Variants in SCN3A observed in about 807,000 individuals in gnomAD.
SCN3A encodes the protein sodium voltage-gated channel alpha subunit 3, also known as sodium channel protein type 3 subunit alpha.
Under a neutral mutation model 187.6 loss-of-function variants are expected in SCN3A, and 60 were observed. The observed-to-expected ratio is 0.32, with a 90% CI of 0.26 to 0.40. The LOEUF (loss-of-function observed/expected upper bound fraction) is 0.40, where lower values mean the gene tolerates loss of function less well. Among genes scored for constraint, SCN3A ranks in the 10% least tolerant of loss-of-function variants. The probability of loss-of-function intolerance (pLI) is 1.00; values close to 1 mark genes in which losing one functional copy is unlikely to be tolerated. For missense variants in SCN3A, 1,601 were observed against 2,428.2 expected, an observed-to-expected ratio of 0.66 and a Z score of 7.16; for synonymous variants, 788 against 829.2, an observed-to-expected ratio of 0.95 and a Z score of 0.85.
chr2:165,152,522 G>A (rs2390207), intron 11 of SCN3A, among the ~76,000 whole-genome samples: 111,092 of 152,104 alleles, frequency 0.73, 40,698 homozygotes, highest in East Asian at 0.84. Context: ...GAATAGTGCC[G>A]CAATAAACAT....
chr2:165,115,436 C>T lies in SCN3A; in HGVS notation c.3514+19G>A. ...AGAACAAGGGGAGATTGTATTTAAT[C>T]ACATCAGAGCTTGTTTACCTTCAGT... On this transcript the variant is annotated intron_variant, in intron 19 of 27. Coordinates refer to ENST00000283254, the MANE Select transcript of SCN3A (RefSeq NM_006922.4). 1 of 1,613,264 alleles carries T rather than the reference C, an allele frequency of 6.2e-7. No homozygotes were observed. Among genetic ancestry groups the T allele is most frequent in the Non-Finnish European group, 8.5e-7 (1 of 1,179,700 alleles).
intron 18 of SCN3A, among the ~76,000 whole-genome samples, chr2:165,116,313 A>G (rs1213729518): frequency 6.6e-6 from 1 of 152,222 alleles, no homozygotes; most frequent in African/African-American, 2.4e-5. Context: ...TCTGAATTCA[A>G]TGTGTGATCC....
At chr2:165,162,155 C>T (rs974288440) in intron 9 of SCN3A, among the ~76,000 whole-genome samples, 153 bp downstream of exon 9, 9 of 152,178 alleles carry the variant, frequency 5.9e-5, no homozygotes, top group Non-Finnish European at 1.0e-4. Flanking sequence ...AGTGGCAATC[C>T]GGTAAGGCAG....
At chr2:165,199,420 A>T (rs1692180921) in intron 1 of SCN3A, among the ~76,000 whole-genome samples, 1 of 151,950 alleles carries the variant, frequency 6.6e-6, no homozygotes, top group Non-Finnish European at 1.5e-5. Flanking sequence ...AACCACACCC[A>T]GCATATGTTT....
chr2:165,107,699 G>A (rs1016620009), intron 21 of SCN3A, among the ~76,000 whole-genome samples: 6 of 152,176 alleles, frequency 3.9e-5, no homozygotes, highest in Admixed American at 1.3e-4. Context: ...GTGCCCTATT[G>A]TAAAATATGG....
At chr2:165,100,055 T>C (rs1268272374) in intron 22 of SCN3A, among the ~76,000 whole-genome samples, 1 of 152,188 alleles carries the variant, frequency 6.6e-6, no homozygotes, top group Non-Finnish European at 1.5e-5. Flanking sequence ...TTGAGTGTTG[T>C]AGAAACATAT....
At chr2:165,194,067 A>G (rs1284729631) in intron 1 of SCN3A, among the ~76,000 whole-genome samples, 2 of 152,168 alleles carry the variant, frequency 1.3e-5, no homozygotes, top group Non-Finnish European at 2.9e-5. Flanking sequence ...TATACTAGAA[A>G]AACATGCCCC....
intron 21 of SCN3A, among the ~76,000 whole-genome samples, chr2:165,110,646 C>T (rs1351289469): frequency 6.6e-6 from 1 of 152,174 alleles, no homozygotes; most frequent in Non-Finnish European, 1.5e-5. Flanking sequence ...CCCCAGTACT[C>T]TGAGGACAAG....
chr2:165,139,745 G>A, intron 13 of SCN3A, 137 bp from the exon 14 acceptor site: 1 of 1,096,894 alleles, frequency 9.1e-7, no homozygotes, highest in Non-Finnish European at 1.3e-6. Context: ...TTGAATTATT[G>A]CTAAGTTATA....
intron 12 of SCN3A, among the ~76,000 whole-genome samples, chr2:165,144,317 C>T (rs1982211): frequency 0.21 from 32,383 of 151,984 alleles, 3,435 homozygotes; most frequent in East Asian, 0.31. Context: ...AGATTATTTC[C>T]TTCACTTTTG....
intron 2 of SCN3A, among the ~76,000 whole-genome samples, chr2:165,182,777 G>A (rs1359613954): frequency 6.6e-6 from 1 of 152,080 alleles, no homozygotes; most frequent in East Asian, 1.9e-4. Flanking sequence ...ATGGATCTGA[G>A]ACTCAGAAAG....
In SCN3A at chr2:165,190,374, A is replaced by C. The variant is rs137972627; in HGVS notation, c.-247-3627T>G. 1.5e-3 allele frequency among the ~76,000 whole-genome samples: 223 copies of C among 152,066 alleles called. 6 individuals are homozygous for C. The East Asian group carries it at 0.04, about 27-fold the overall frequency. On this transcript the variant is annotated intron_variant, in intron 1 of 27. Coordinates refer to ENST00000283254, the MANE Select transcript of SCN3A (RefSeq NM_006922.4). Reference sequence around the variant, plus strand: ...TTCTTCCTTTAAAAATGTTGAGCTCAGGAGGCTGAGAGCTAAGTGTACATT... The same window carrying C: ...TTCTTCCTTTAAAAATGTTGAGCTCCGGAGGCTGAGAGCTAAGTGTACATT...
chr2:165,189,617 C>T (rs1378963653), intron 1 of SCN3A, among the ~76,000 whole-genome samples: 1 of 152,034 alleles, frequency 6.6e-6, no homozygotes, highest in African/African-American at 2.4e-5. Flanking sequence ...TTTCTTAACC[C>T]GTTTCTACTT....
At chr2:165,169,649 A>G (rs925284526) in intron 4 of SCN3A, among the ~76,000 whole-genome samples, 10 of 151,944 alleles carry the variant, frequency 6.6e-5, no homozygotes, top group Admixed American at 4.6e-4. Context: ...TCAAAAGGTT[A>G]TCAGTTTCAT....
intron 18 of SCN3A, among the ~76,000 whole-genome samples, chr2:165,123,307 T>C (rs939211482): frequency 3.9e-5 from 6 of 152,146 alleles, no homozygotes; most frequent in Admixed American, 2.0e-4. Flanking sequence ...GTAATATATA[T>C]ACACACATAT....
rs150528527 is a variant in SCN3A at position 165,171,698 on chromosome 2, C to A, written c.265-1150G>T. ...CCTCCTGATCACTCCCTAATTGTTT[C>A]TCTTTACCAGTAAGTCTTAGTACAT... On this transcript the variant is annotated intron_variant, in intron 3 of 27. Transcript: ENST00000283254. 3.3e-4 allele frequency among the ~76,000 whole-genome samples: 50 copies of A among 152,170 alleles called. No individual in the cohort carries two copies. The East Asian group carries it at 7.2e-3, about 22-fold the overall frequency.
At chr2:165,198,837 A>C (rs932351633) in intron 1 of SCN3A, among the ~76,000 whole-genome samples, 1 of 151,998 alleles carries the variant, frequency 6.6e-6, no homozygotes, top group Non-Finnish European at 1.5e-5. Flanking sequence ...TAGGCATAAT[A>C]AAAACAACTT....
chr2:165,111,702 C>T (rs1276840798), intron 21 of SCN3A, among the ~76,000 whole-genome samples: 1 of 152,118 alleles, frequency 6.6e-6, no homozygotes, highest in Non-Finnish European at 1.5e-5. Flanking sequence ...TTTCTCATGT[C>T]TTGAATAAAC....
intron 6 of SCN3A, chr2:165,164,006 T>C: frequency 1.0e-6 from 1 of 966,098 alleles, no homozygotes. Context: ...GGAATTGCTA[T>C]AGACCTCAGG....
Sources: allele counts gnomAD v4.1 joint callset (sites outside exome capture counted in the v4.1 genomes callset), GRCh38; gene constraint gnomAD v4.1.1; transcripts MANE v1.5; gene names NCBI Gene and HGNC (gene_info 2026-07-23, HGNC 2026-07-21).